The following MTMR14 variants were observed in gnomAD, a reference collection of about 807,000 sequenced individuals.
The protein encoded by MTMR14 is myotubularin related protein 14, also known as phosphatidylinositol-3,5-bisphosphate 3-phosphatase MTMR14.
MTMR14 carries 48 observed loss-of-function variants against 86.3 expected under a neutral mutation model. The observed-to-expected ratio is 0.56, with a 90% CI of 0.44 to 0.71. The LOEUF is 0.71. Ranked by LOEUF, MTMR14 falls within the 30% of genes least tolerant of loss-of-function variation. The probability of loss-of-function intolerance (pLI) is 0.00; values close to 1 mark genes in which losing one functional copy is unlikely to be tolerated. For missense variants in MTMR14, 780 were observed against 834.6 expected, an observed-to-expected ratio of 0.93 and a Z score of 0.81; for synonymous variants, 366 against 326.1, an observed-to-expected ratio of 1.12 and a Z score of -1.32.
chr3:9,689,164 A>C lies in MTMR14; in HGVS notation c.1433+82A>C. On this transcript the variant is annotated intron_variant, in intron 16 of 18. Transcript: ENST00000296003. ...ACCAGGGAGCCAGGCTGGAGCCCCA[A>C]GAACAAAGCAGGCCCCCAAGAGAAG... 7 of 1,579,016 alleles carry C rather than the reference A, an allele frequency of 4.4e-6. 1 individual carries two copies. In the South Asian group the frequency reaches 7.8e-5, roughly 18 times the overall value.
At chr3:9,666,505 A>G (rs1015801423) in intron 3 of MTMR14, among the ~76,000 whole-genome samples, 1 of 152,254 alleles carries the variant, frequency 6.6e-6, no homozygotes, top group Non-Finnish European at 1.5e-5. Flanking sequence ...TGAAGATTTA[A>G]TAGAAAAAAT....
chr3:9,677,437 G>A lies in MTMR14; in HGVS notation c.822+50G>A. On this transcript the variant is annotated intron_variant, in intron 8 of 18. Transcript: ENST00000296003. The surrounding 1 kb of genome is among the most constrained non-coding windows in gnomAD (Gnocchi z 4.2). ...TTGGATCTATGTCTCTTTGTAAAGG[G>A]AGGCCAAGGAGAACAACAAGCAGTC... The A allele has an allele frequency of 6.6e-7, 1 of 1,520,046 alleles. No individual in the cohort carries two copies. The highest frequency in any genetic ancestry group is 9.1e-7 in the Non-Finnish European group (1 of 1,094,414). The allele number at this position is 1,520,046 out of a possible 1,614,324, so 94.2% of individuals were successfully genotyped here.
At chr3:9,697,198 CTT>C (rs2076306699) in intron 17 of MTMR14, among the ~76,000 whole-genome samples, 1 of 152,208 alleles carries the variant, frequency 6.6e-6, no homozygotes, top group Non-Finnish European at 1.5e-5. Context: ...TTCCATCACT[CTT>C]GAGTCTAGGT....
rs1201157265 is a variant in MTMR14 at position 9,677,939 on chromosome 3, C to T, written c.823-45C>T. The T allele has an allele frequency of 5.0e-6, 8 of 1,598,108 alleles. No homozygotes were observed. In the Admixed American group the frequency reaches 1.2e-4, roughly 23 times the overall value. ...CAAGCTTCCCCATCACCTAAGCCTC[C>T]TCTGGTGGCCAACCCACATCTCACA... is the stretch of plus-strand genomic sequence containing the variant. On this transcript the variant is annotated intron_variant, in intron 8 of 18. Transcript: ENST00000296003. This position sits in a 1 kb window ranked among gnomAD's most constrained non-coding sequence, Gnocchi z 4.2.
intron 3 of MTMR14, among the ~76,000 whole-genome samples, chr3:9,667,654 G>C (rs1399746535): frequency 6.6e-6 from 1 of 152,024 alleles, no homozygotes; most frequent in African/African-American, 2.4e-5. Context: ...TCTGTCCCAG[G>C]TTATATCCAG....
intron 13 of MTMR14, among the ~76,000 whole-genome samples, chr3:9,687,311 T>A (rs1205835063): frequency 6.6e-6 from 1 of 152,050 alleles, no homozygotes; most frequent in East Asian, 1.9e-4. Context: ...ATCCCAGCAC[T>A]TGGGGAGGCT....
chr3:9,662,522 A>G (rs2048000112), intron 3 of MTMR14, 147 bp downstream of exon 3: 2 of 727,308 alleles, frequency 2.7e-6, no homozygotes, highest in Non-Finnish European at 5.0e-6. Flanking sequence ...CCAGAGAAAC[A>G]GACCAATTCT....
At chr3:9,650,923 G>C (rs2047246168) in intron 1 of MTMR14, among the ~76,000 whole-genome samples, 1 of 151,798 alleles carries the variant, frequency 6.6e-6, no homozygotes, top group Admixed American at 6.6e-5. Flanking sequence ...CAAGTAGCTG[G>C]GATTACAGGA....
Position 9,701,073 on chromosome 3 carries a change from G to A in MTMR14, c.1770-717G>A, listed in dbSNP as rs2076440963. ...ACCTGCCTCGGCCTCCCAAAGTGCTGGGATTACAGCCAAGGCTGAGGACTT... is the reference window on the plus strand; with the variant it reads ...ACCTGCCTCGGCCTCCCAAAGTGCTAGGATTACAGCCAAGGCTGAGGACTT... On this transcript the variant is annotated intron_variant, in intron 18 of 18. Transcript: ENST00000296003. This position sits in a 1 kb window ranked among gnomAD's most constrained non-coding sequence, Gnocchi z 4.2. The A allele has an allele frequency of 6.6e-6, 1 of 152,602 alleles. No homozygotes were observed. The highest frequency in any genetic ancestry group is 2.4e-5 in the African/African-American group (1 of 41,440). 9.5% of individuals were successfully genotyped at this position (152,602 alleles called of 1,614,324 possible).
intron 2 of MTMR14, among the ~76,000 whole-genome samples, chr3:9,655,927 G>A (rs926607363): frequency 4.6e-5 from 7 of 151,984 alleles, no homozygotes; most frequent in South Asian, 2.1e-4. Flanking sequence ...CATCTTGGCC[G>A]GGCGTGCTGG....
rs2048547249 is a variant in MTMR14 at position 9,671,141 on chromosome 3, G to C, written c.648G>C (p.Val216=). The C allele has an allele frequency of 6.2e-7, 1 of 1,614,096 alleles. No individual in the cohort carries two copies. Among genetic ancestry groups the C allele is most frequent in the South Asian group, 1.1e-5 (1 of 91,086 alleles). Residue 216 remains valine (V), a synonymous_variant, in exon 6 of 19, where the codon GTG becomes GTC. Transcript: ENST00000296003. ...TCAAATACATCTGTGACCTGATGGT[G>C]GAGAACAAGAAGGTGAAGTTTGGCA... ...LSVKYICDLM[V]ENKKVKFGMN...
At chr3:9,678,966 T>C (rs984039905) in intron 9 of MTMR14, among the ~76,000 whole-genome samples, 3 of 152,216 alleles carry the variant, frequency 2.0e-5, no homozygotes, top group African/African-American at 7.2e-5. Flanking sequence ...GCCTCCCTGC[T>C]AGTTTCCCCT....
intron 18 of MTMR14, among the ~76,000 whole-genome samples, chr3:9,699,123 G>T (rs376439415): frequency 1.3e-5 from 2 of 148,528 alleles, no homozygotes; most frequent in South Asian, 2.1e-4. Context: ...CGTGAGTCGA[G>T]ATCATGCCAT....
At chr3:9,667,752 G>A (rs543144320) in intron 3 of MTMR14, among the ~76,000 whole-genome samples, 1 of 152,112 alleles carries the variant, frequency 6.6e-6, no homozygotes, top group African/African-American at 2.4e-5. Flanking sequence ...TCGTTCCCAC[G>A]CACAACTCTT....
intron 7 of MTMR14, among the ~76,000 whole-genome samples, chr3:9,676,867 T>C (rs1189474051): frequency 1.3e-5 from 2 of 152,218 alleles, no homozygotes; most frequent in East Asian, 3.9e-4. Context: ...CAGTCTTCAC[T>C]AAAAGCCTGC....
intron 2 of MTMR14, among the ~76,000 whole-genome samples, chr3:9,655,707 C>A (rs566531020): frequency 1.3e-5 from 2 of 151,402 alleles, no homozygotes; most frequent in East Asian, 2.0e-4. Flanking sequence ...ATGATCCAGC[C>A]GCCTCGGCCT....
At chr3:9,673,855 T>C (rs1466816797) in intron 7 of MTMR14, among the ~76,000 whole-genome samples, 1 of 147,390 alleles carries the variant, frequency 6.8e-6, no homozygotes, top group Non-Finnish European at 1.5e-5. Flanking sequence ...GGCCTAATGA[T>C]GAGTAGTTGG....
intron 3 of MTMR14, among the ~76,000 whole-genome samples, chr3:9,668,213 T>C (rs1380806331): frequency 6.6e-6 from 1 of 152,218 alleles, no homozygotes; most frequent in Non-Finnish European, 1.5e-5. Flanking sequence ...TGTTCCTGTC[T>C]ACACTGAACA....
At chr3:9,685,153 C>T in intron 12 of MTMR14, 58 bp from the exon 13 acceptor site, 1 of 1,610,924 alleles carries the variant, frequency 6.2e-7, no homozygotes, top group Non-Finnish European at 8.5e-7. Flanking sequence ...TGACCCTGTC[C>T]TCTTGGCCTT....
Sources: gnomAD v4.1 joint callset for allele counts (sites outside exome capture counted in the v4.1 genomes callset) on GRCh38, gnomAD v4.1.1 for gene constraint, Gnocchi (gnomAD v3.1) non-coding constraint, MANE v1.5 for transcripts, NCBI Gene and HGNC (gene_info 2026-07-23, HGNC 2026-07-21) for gene names.